Variants in ELMO1 observed in about 807,000 individuals in gnomAD.
ELMO1 encodes engulfment and cell motility 1.
In ELMO1, 26 loss-of-function variants were observed where a neutral mutation model predicts 98.9. That is an observed-to-expected ratio of 0.26 (90% CI 0.19 to 0.36). The LOEUF (loss-of-function observed/expected upper bound fraction) is 0.36. Ranked by LOEUF, ELMO1 falls within the 10% of genes least tolerant of loss-of-function variation. ELMO1 has a pLI of 1.00. For synonymous variants in ELMO1, 346 were observed against 346.0 expected (o/e 1.00, Z 0.00); for missense variants, 627 against 935.2 (o/e 0.67, Z 4.30).
At chr7:37,173,266 C>T (rs562938277) in intron 13 of ELMO1, among the ~76,000 whole-genome samples, 4 of 152,280 alleles carry the variant, frequency 2.6e-5, no homozygotes, top group East Asian at 1.9e-4. Flanking sequence ...TGGACCAGCA[C>T]CTAGGACTGC....
intron 4 of ELMO1, among the ~76,000 whole-genome samples, chr7:37,285,481 T>C (rs908653987): frequency 6.6e-6 from 1 of 152,200 alleles, no homozygotes; most frequent in Non-Finnish European, 1.5e-5. Context: ...AGATACACCA[T>C]GTAGCCATCG....
chr7:36,870,206 A>G lies in ELMO1; in HGVS notation c.1905+187T>C, dbSNP rs1002212243. Among the ~76,000 whole-genome samples the G allele has an allele frequency of 2.0e-5, 3 of 151,992 alleles. No individual in the cohort carries two copies. The highest frequency in any genetic ancestry group is 2.1e-4 in the South Asian group (1 of 4,824). On this transcript the variant is annotated intron_variant, in intron 20 of 21. Transcript: ENST00000310758. The surrounding 1 kb of genome is among the most constrained non-coding windows in gnomAD (Gnocchi z 4.4). Reference sequence around the variant, plus strand: ...GATGGTGAGCATCAGAAAAGGGGTCAGAAAGAGAAAGAATAAGGGTAAGAG... The same window carrying G: ...GATGGTGAGCATCAGAAAAGGGGTCGGAAAGAGAAAGAATAAGGGTAAGAG...
intron 2 of ELMO1, among the ~76,000 whole-genome samples, chr7:37,336,270 G>C (rs1242215202): frequency 2.0e-5 from 3 of 151,902 alleles, no homozygotes. Flanking sequence ...CCCTCTACAT[G>C]ATATAACCTC....
At chr7:37,171,644 C>T (rs1790173763) in intron 13 of ELMO1, among the ~76,000 whole-genome samples, 1 of 151,960 alleles carries the variant, frequency 6.6e-6, no homozygotes, top group African/African-American at 2.4e-5. Context: ...AGGCGCCCAC[C>T]ACCATGCCCA....
chr7:37,298,459 C>CT (rs1292049890), intron 4 of ELMO1, among the ~76,000 whole-genome samples: 1 of 145,324 alleles, frequency 6.9e-6, no homozygotes, highest in African/African-American at 2.6e-5. Context: ...CTCCCTCCCC[C>CT]GACCCCACCA....
chr7:36,956,604 C>T (rs568207776), intron 16 of ELMO1, among the ~76,000 whole-genome samples: 9 of 152,244 alleles, frequency 5.9e-5, no homozygotes, highest in East Asian at 3.9e-4. Context: ...TGCACCCAGG[C>T]GTACAAGAAA....
intron 16 of ELMO1, among the ~76,000 whole-genome samples, chr7:36,915,142 G>C (rs931246754): frequency 6.6e-6 from 1 of 152,040 alleles, no homozygotes; most frequent in Non-Finnish European, 1.5e-5. Context: ...GCCCAGGCTG[G>C]TCTTGAACTC....
chr7:36,977,856 G>A (rs183228729), intron 16 of ELMO1, among the ~76,000 whole-genome samples: 278 of 152,342 alleles, frequency 1.8e-3, no homozygotes, highest in Non-Finnish European at 3.2e-3. Flanking sequence ...GCATGGAAAT[G>A]AATGCATAGG....
At chr7:37,112,203 ATG>A (rs1296297424) in intron 14 of ELMO1, among the ~76,000 whole-genome samples, 2 of 152,158 alleles carry the variant, frequency 1.3e-5, no homozygotes, top group Non-Finnish European at 2.9e-5. Context: ...GGCAAAAGAG[ATG>A]GTTCCTGCTC....
At position 37,096,638 on chromosome 7, in the gene ELMO1, G is replaced by C. The variant is rs776844359; in HGVS notation, c.1281C>G (p.Ile427Met). The part of the protein sequence containing the change: ...SIELTKMLCE[I>M]LKVGELPSET... ...ACTTACGCAACTCGCCCACTTTCAA[G>C]ATCTCACATAGCATCTTGGTCAGCT... The change falls in exon 15 of 22, where the codon ATC becomes ATG. Residue 427 changes from isoleucine (I) to methionine (M), a missense_variant. Physicochemically the swap from Ile to Met is conservative, Grantham distance 10. Transcript: ENST00000310758. 3 of 1,613,994 alleles carry C rather than the reference G, an allele frequency of 1.9e-6. No homozygotes were observed. In the East Asian group the frequency reaches 6.7e-5, roughly 36 times the overall value.
At chr7:37,289,837 T>G (rs1797585352) in intron 4 of ELMO1, among the ~76,000 whole-genome samples, 1 of 152,170 alleles carries the variant, frequency 6.6e-6, no homozygotes, top group African/African-American at 2.4e-5. Context: ...GTAGGGATAC[T>G]AGGTGTCAGA....
chr7:37,121,614 T>C (rs989457117), intron 14 of ELMO1, among the ~76,000 whole-genome samples: 17 of 152,058 alleles, frequency 1.1e-4, no homozygotes, highest in African/African-American at 4.1e-4. Flanking sequence ...CTCCAAGAAA[T>C]ATGGGACTAT....
chr7:37,331,607 T>G (rs1431419389), intron 2 of ELMO1, among the ~76,000 whole-genome samples: 1 of 152,070 alleles, frequency 6.6e-6, no homozygotes, highest in African/African-American at 2.4e-5. Context: ...CTCTCTCTTT[T>G]GAAGTGCTTT....
At position 37,055,772 on chromosome 7, in the gene ELMO1, A is replaced by G. The variant is rs112999543; in HGVS notation, c.1300+40847T>C. Among the ~76,000 whole-genome samples, 1,222 of 152,244 alleles carry G rather than the reference A, an allele frequency of 8.0e-3. 17 individuals are homozygous for G. Among genetic ancestry groups the G allele is most frequent in the African/African-American group, 0.028 (1,162 of 41,534 alleles). On this transcript the variant is annotated intron_variant, in intron 15 of 21. Coordinates refer to ENST00000310758, the MANE Select transcript of ELMO1 (RefSeq NM_014800.11). ...CACTGCATCCAGTTGAGTGGTGCCA[A>G]TTCTAGTGGGCACCATCATCCTCAC...
chr7:37,171,791 C>T (rs1279410186), intron 13 of ELMO1, among the ~76,000 whole-genome samples: 5 of 152,016 alleles, frequency 3.3e-5, no homozygotes, highest in African/African-American at 9.7e-5. Flanking sequence ...CACGCCTGGC[C>T]GCCTTTCTCT....
At chr7:37,267,734 G>C (rs552811727) in intron 5 of ELMO1, among the ~76,000 whole-genome samples, 1 of 152,172 alleles carries the variant, frequency 6.6e-6, no homozygotes, top group Non-Finnish European at 1.5e-5. Flanking sequence ...TACATGCACA[G>C]ACATTATTTT....
chr7:37,042,537 C>A (rs1278573513), intron 15 of ELMO1, among the ~76,000 whole-genome samples: 1 of 152,084 alleles, frequency 6.6e-6, no homozygotes, highest in Admixed American at 6.6e-5. Flanking sequence ...TGTCTTTGGG[C>A]CCGGTCAGCT....
intron 16 of ELMO1, among the ~76,000 whole-genome samples, chr7:36,985,298 C>G (rs1440664333): frequency 6.6e-6 from 1 of 152,086 alleles, no homozygotes; most frequent in South Asian, 2.1e-4. Context: ...CTGCTAAAAT[C>G]TTTCCAATTG....
chr7:37,325,018 A>G (rs533923981), intron 2 of ELMO1, among the ~76,000 whole-genome samples: 1 of 152,342 alleles, frequency 6.6e-6, no homozygotes, highest in East Asian at 1.9e-4. Flanking sequence ...TCCTTGAAAC[A>G]GCACCTGGTA....
Sources: gnomAD v4.1 joint callset for allele counts (sites outside exome capture counted in the v4.1 genomes callset) on GRCh38, gnomAD v4.1.1 for gene constraint, Gnocchi (gnomAD v3.1) non-coding constraint, MANE v1.5 for transcripts, NCBI Gene and HGNC (gene_info 2026-07-23, HGNC 2026-07-21) for gene names.